The following IQCM variants were observed in gnomAD, a reference collection of about 807,000 sequenced individuals.
IQCM encodes the protein IQ motif containing M, also known as IQ domain-containing protein M.
In IQCM, 45 loss-of-function variants were observed where a neutral mutation model predicts 57.6. The observed-to-expected ratio is 0.78, with a 90% CI of 0.62 to 1.00. The LOEUF is 1.00. IQCM is among the 50% of genes least tolerant of loss of function. The pLI is 0.00. For missense variants in IQCM, 468 were observed against 511.6 expected, an observed-to-expected ratio of 0.91 and a Z score of 0.82; for synonymous variants, 148 against 158.9, an observed-to-expected ratio of 0.93 and a Z score of 0.51.
chr4:149,519,463 T>C lies in IQCM; in HGVS notation c.1228+28992A>G, dbSNP rs961491529. ...AGTGAAACCCCGTCTCTACTAAAAA[T>C]ACAAAAAAATTAGCCTGGCGTGGTG... is the stretch of plus-strand genomic sequence containing the variant. On this transcript the variant is annotated intron_variant, in intron 12 of 13. Coordinates refer to ENST00000636793, the MANE Select transcript of IQCM (RefSeq NM_001363507.2). Among the ~76,000 whole-genome samples the C allele has an allele frequency of 3.3e-5, 5 of 151,308 alleles. No individual in the cohort carries two copies. In the East Asian group the frequency reaches 7.9e-4, roughly 24 times the overall value.
intron 13 of IQCM, among the ~76,000 whole-genome samples, chr4:149,424,418 A>G (rs1734327260): frequency 1.1e-5 from 1 of 94,786 alleles, no homozygotes; most frequent in East Asian, 3.0e-4. Context: ...ATGGCATAAC[A>G]TATGGAATTT....
At chr4:149,704,920 T>C (rs1443224912) in intron 5 of IQCM, among the ~76,000 whole-genome samples, 2 of 151,688 alleles carry the variant, frequency 1.3e-5, no homozygotes, top group Non-Finnish European at 2.9e-5. Flanking sequence ...AGTTGGAATG[T>C]TCATCTTCTT....
At chr4:149,809,270 A>AG (rs1255644731) in intron 2 of IQCM, among the ~76,000 whole-genome samples, 1 of 151,958 alleles carries the variant, frequency 6.6e-6, no homozygotes, top group East Asian at 1.9e-4. Flanking sequence ...AAAAAGAAAA[A>AG]AAAAACAGTT....
chr4:149,504,640 G>A lies in IQCM; in HGVS notation c.1228+43815C>T, dbSNP rs184593125. On this transcript the variant is annotated intron_variant, in intron 12 of 13. Transcript: ENST00000636793. Reference sequence around the variant, plus strand: ...TTACAAAAGAGACTGGGGGCCAGGTGCAGTGGTTCACGTCTGCAATCCCAG... The same window carrying A: ...TTACAAAAGAGACTGGGGGCCAGGTACAGTGGTTCACGTCTGCAATCCCAG... 2.0e-5 allele frequency among the ~76,000 whole-genome samples: 3 copies of A among 152,284 alleles called. No individual in the cohort carries two copies. The East Asian group carries it at 5.8e-4, about 29-fold the overall frequency.
At chr4:149,449,245 CA>C (rs1009604622) in intron 12 of IQCM, among the ~76,000 whole-genome samples, 22 of 134,108 alleles carry the variant, frequency 1.6e-4, no homozygotes, top group Admixed American at 2.4e-4. Flanking sequence ...AAACAAACAA[CA>C]AAAAAAAGCA....
At chr4:149,396,053 CAGAT>C (rs1432258902) in intron 13 of IQCM, among the ~76,000 whole-genome samples, 10 of 151,784 alleles carry the variant, frequency 6.6e-5, no homozygotes, top group African/African-American at 2.2e-4. Flanking sequence ...AGTTTTTTAA[CAGAT>C]AAAGGTCAAC....
intron 2 of IQCM, among the ~76,000 whole-genome samples, chr4:149,748,452 T>C (rs1768131568): frequency 1.3e-5 from 2 of 152,188 alleles, no homozygotes; most frequent in African/African-American, 4.8e-5. Flanking sequence ...AAAAAGGAGA[T>C]GTTAAACTGA....
chr4:149,614,556 C>T (rs1238845951), intron 8 of IQCM, among the ~76,000 whole-genome samples: 1 of 152,150 alleles, frequency 6.6e-6, no homozygotes, highest in Non-Finnish European at 1.5e-5. Flanking sequence ...GGCCCTATCA[C>T]CATTGCAAAG....
At chr4:149,693,683 T>C (rs1174643207) in intron 5 of IQCM, among the ~76,000 whole-genome samples, 3 of 152,230 alleles carry the variant, frequency 2.0e-5, no homozygotes, top group Non-Finnish European at 4.4e-5. Context: ...TGTGTTATTG[T>C]TTTCTAATTT....
At chr4:149,516,738 C>T (rs1428384650) in intron 12 of IQCM, among the ~76,000 whole-genome samples, 1 of 151,924 alleles carries the variant, frequency 6.6e-6, no homozygotes, top group Non-Finnish European at 1.5e-5. Flanking sequence ...GCTTCCTGTT[C>T]CTGTTACATT....
At chr4:149,648,256 C>T (rs892462989) in intron 7 of IQCM, among the ~76,000 whole-genome samples, 3 of 151,864 alleles carry the variant, frequency 2.0e-5, no homozygotes, top group Non-Finnish European at 2.9e-5. Flanking sequence ...GCATTGTTTC[C>T]TTATGTACTT....
intron 13 of IQCM, among the ~76,000 whole-genome samples, chr4:149,355,284 A>G (rs1728879688): frequency 6.6e-6 from 1 of 152,020 alleles, no homozygotes; most frequent in Admixed American, 6.6e-5. Flanking sequence ...GGGTACATGT[A>G]CAGAACGTGC....
intron 12 of IQCM, among the ~76,000 whole-genome samples, chr4:149,498,302 G>A (rs374577701): frequency 6.6e-6 from 1 of 152,174 alleles, no homozygotes; most frequent in East Asian, 1.9e-4. Context: ...CTATGGAGCA[G>A]AACAGCTCTG....
At chr4:149,480,090 A>G (rs1456401060) in intron 12 of IQCM, among the ~76,000 whole-genome samples, 1 of 152,238 alleles carries the variant, frequency 6.6e-6, no homozygotes, top group Non-Finnish European at 1.5e-5. Context: ...TTCAAACATC[A>G]TAAGCATTGT....
intron 8 of IQCM, among the ~76,000 whole-genome samples, chr4:149,605,543 T>C (rs1005258609): frequency 1.3e-5 from 2 of 152,198 alleles, no homozygotes; most frequent in Non-Finnish European, 2.9e-5. Flanking sequence ...TCCCAATAAG[T>C]ATCTTCTAAG....
At chr4:149,417,362 A>G (rs1341805171) in intron 13 of IQCM, among the ~76,000 whole-genome samples, 1 of 152,040 alleles carries the variant, frequency 6.6e-6, no homozygotes, top group Non-Finnish European at 1.5e-5. Flanking sequence ...TCTCTTGCAC[A>G]TGGATTTTGA....
intron 8 of IQCM, 134 bp downstream of exon 8, chr4:149,620,995 G>T: frequency 2.4e-6 from 1 of 410,684 alleles, no homozygotes; most frequent in Non-Finnish European, 4.2e-6. Context: ...CAGAAAAAAT[G>T]AATTTCAGTG....
chr4:149,544,199 C>G (rs909767377), intron 12 of IQCM, among the ~76,000 whole-genome samples: 4 of 151,972 alleles, frequency 2.6e-5, no homozygotes, highest in Non-Finnish European at 5.9e-5. Flanking sequence ...AGTAGAAAGC[C>G]AGAGCATGAG....
At chr4:149,517,682 G>A (rs1474907810) in intron 12 of IQCM, among the ~76,000 whole-genome samples, 2 of 152,132 alleles carry the variant, frequency 1.3e-5, no homozygotes, top group Non-Finnish European at 2.9e-5. Flanking sequence ...GCTGGGAAAG[G>A]CAGACCCATC....
Sources: gnomAD v4.1 joint callset for allele counts (sites outside exome capture counted in the v4.1 genomes callset) on GRCh38, gnomAD v4.1.1 for gene constraint, MANE v1.5 for transcripts, NCBI Gene and HGNC (gene_info 2026-07-23, HGNC 2026-07-21) for gene names.